PRKCB: variants seen among roughly 807,000 people sequenced by gnomAD.
PRKCB encodes the protein protein kinase C beta.
PRKCB carries 13 observed loss-of-function variants against 81.5 expected under a neutral mutation model. The observed-to-expected ratio is 0.16, with a 90% CI of 0.10 to 0.25. The LOEUF (loss-of-function observed/expected upper bound fraction) is 0.25, where lower values mean the gene tolerates loss of function less well. Among genes scored for constraint, PRKCB ranks in the 10% least tolerant of loss-of-function variants. PRKCB has a pLI of 1.00. For synonymous variants in PRKCB, 335 were observed against 321.4 expected (o/e 1.04, Z -0.45); for missense variants, 509 against 875.7 (o/e 0.58, Z 5.29).
intron 5 of PRKCB, among the ~76,000 whole-genome samples, chr16:24,067,745 T>C (rs1390011216): frequency 6.6e-6 from 1 of 152,068 alleles, no homozygotes; most frequent in Non-Finnish European, 1.5e-5. Flanking sequence ...GGTGGGTGGA[T>C]CATCTGAGAT....
At position 23,990,489 on chromosome 16, in the gene PRKCB, T is replaced by TC. The variant is rs1190397025; in HGVS notation, c.288+1899_288+1900insC. ...AAAGAAAAAAAAGAAGCTTTTTTTTTTTTTTTCTTTTTTTTTTTAAGCAAA... is the reference window on the plus strand; with the variant it reads ...AAAGAAAAAAAAGAAGCTTTTTTTTTCTTTTTTCTTTTTTTTTTTAAGCAAA... On this transcript the variant is annotated intron_variant, in intron 3 of 16. Coordinates refer to ENST00000643927, the MANE Select transcript of PRKCB (RefSeq NM_002738.7). 2.0e-5 allele frequency among the ~76,000 whole-genome samples: 3 copies of TC among 151,484 alleles called. No individual in the cohort carries two copies. The East Asian group carries it at 5.8e-4, about 29-fold the overall frequency.
intron 5 of PRKCB, among the ~76,000 whole-genome samples, chr16:24,090,288 T>C (rs986178124): frequency 1.3e-5 from 2 of 152,142 alleles, no homozygotes; most frequent in African/African-American, 4.8e-5. Flanking sequence ...GCAGAAAAAA[T>C]GTCAGCACAG....
At chr16:24,192,914 G>A (rs1967815386) in intron 16 of PRKCB, among the ~76,000 whole-genome samples, 1 of 152,066 alleles carries the variant, frequency 6.6e-6, no homozygotes, top group African/African-American at 2.4e-5. Flanking sequence ...GCTCAGCCAG[G>A]GAAGCTAGGC....
intron 7 of PRKCB, among the ~76,000 whole-genome samples, chr16:24,104,500 A>G (rs1248925350): frequency 6.6e-6 from 1 of 152,220 alleles, no homozygotes; most frequent in Admixed American, 6.5e-5. Flanking sequence ...AAAAATAAGT[A>G]ATAAAACATG....
At chr16:24,202,652 A>G (rs78897939) in intron 16 of PRKCB, among the ~76,000 whole-genome samples, 10,885 of 152,272 alleles carry the variant, frequency 0.071, 516 homozygotes, top group South Asian at 0.13. Flanking sequence ...AGATGTGTTC[A>G]GGCCCAGAAA....
chr16:23,979,517 G>A (rs1964667849), intron 2 of PRKCB, among the ~76,000 whole-genome samples: 1 of 152,152 alleles, frequency 6.6e-6, no homozygotes, highest in South Asian at 2.1e-4. Flanking sequence ...AGGCTTTATT[G>A]TAAAATTCCA....
intron 10 of PRKCB, among the ~76,000 whole-genome samples, chr16:24,156,797 G>A (rs983278632): frequency 6.6e-6 from 1 of 152,112 alleles, no homozygotes; most frequent in African/African-American, 2.4e-5. Flanking sequence ...AAACCTCTAG[G>A]CTCCCCTACT....
At chr16:24,180,703 C>T in intron 12 of PRKCB, 87 bp from the exon 13 acceptor site, 1 of 1,464,550 alleles carries the variant, frequency 6.8e-7, no homozygotes, top group Non-Finnish European at 9.4e-7. Context: ...ACACCTAACA[C>T]AGTGTTTTAT....
intron 5 of PRKCB, 60 bp downstream of exon 5, chr16:24,035,607 G>A (rs547973296): frequency 2.6e-6 from 4 of 1,568,164 alleles, no homozygotes; most frequent in East Asian, 2.3e-5. Flanking sequence ...GATTGAGAAG[G>A]GGAGGGTGGC....
chr16:23,885,910 G>A (rs902061046), intron 2 of PRKCB, among the ~76,000 whole-genome samples: 2 of 152,140 alleles, frequency 1.3e-5, no homozygotes, highest in Non-Finnish European at 2.9e-5. Flanking sequence ...TTTTTGACTC[G>A]ATATTGGGCG....
At position 24,217,724 on chromosome 16, in the gene PRKCB, C is replaced by A; in HGVS notation, c.*2908C>A. 15 of 985,414 alleles carry A rather than the reference C, an allele frequency of 1.5e-5. No individual in the cohort carries two copies. Among genetic ancestry groups the A allele is most frequent in the Non-Finnish European group, 1.8e-5 (15 of 829,960 alleles). The allele number at this position is 985,414 out of a possible 1,614,324, so 61.0% of individuals were successfully genotyped here. On this transcript the variant is annotated 3_prime_UTR_variant, in exon 17 of 17. Transcript: ENST00000643927. ...AAGGGAATCTTTGATAAGAGGCCCA[C>A]AGGCAGGGAAAGCGAAATAGGGTTG... is the stretch of plus-strand genomic sequence containing the variant.
At chr16:24,051,105 C>A (rs1965836386) in intron 5 of PRKCB, among the ~76,000 whole-genome samples, 1 of 152,184 alleles carries the variant, frequency 6.6e-6, no homozygotes, top group Admixed American at 6.5e-5. Context: ...ACTTGTTCTG[C>A]CCTCCTTACT....
chr16:24,068,284 G>A (rs774100459), intron 5 of PRKCB, among the ~76,000 whole-genome samples: 17 of 152,080 alleles, frequency 1.1e-4, no homozygotes, highest in South Asian at 2.1e-4. Flanking sequence ...AATGCCTAGC[G>A]TTGAGTTCAC....
At chr16:24,137,804 C>A (rs535287501) in intron 9 of PRKCB, among the ~76,000 whole-genome samples, 1 of 152,302 alleles carries the variant, frequency 6.6e-6, no homozygotes, top group South Asian at 2.1e-4. Context: ...GGATTGTAAT[C>A]ATCCAACACC....
intron 16 of PRKCB, among the ~76,000 whole-genome samples, chr16:24,191,918 C>T (rs1383625299): frequency 1.3e-5 from 2 of 152,192 alleles, no homozygotes; most frequent in South Asian, 2.1e-4. Context: ...AAGTACTTGT[C>T]GGCATCAGGA....
intron 2 of PRKCB, among the ~76,000 whole-genome samples, chr16:23,870,207 T>C (rs892961769): frequency 1.3e-5 from 2 of 152,122 alleles, no homozygotes; most frequent in African/African-American, 4.8e-5. Flanking sequence ...ATCAGGAAGA[T>C]TAAAAAAGAA....
intron 2 of PRKCB, among the ~76,000 whole-genome samples, chr16:23,922,157 G>A (rs1470438212): frequency 6.6e-6 from 1 of 152,222 alleles, no homozygotes; most frequent in African/African-American, 2.4e-5. Context: ...GTTATCTGTG[G>A]ACAAATTTGT....
chr16:23,968,854 A>G (rs1377727590), intron 2 of PRKCB, among the ~76,000 whole-genome samples: 1 of 152,094 alleles, frequency 6.6e-6, no homozygotes, highest in African/African-American at 2.4e-5. Flanking sequence ...ATAAATGCTG[A>G]GATTCAGTGT....
intron 2 of PRKCB, among the ~76,000 whole-genome samples, chr16:23,983,661 A>G (rs1438266546): frequency 2.0e-5 from 3 of 152,168 alleles, no homozygotes; most frequent in African/African-American, 7.2e-5. Flanking sequence ...GAGACTAGAG[A>G]TGAGCTATCT....
Sources: gnomAD v4.1 joint callset for allele counts (sites outside exome capture counted in the v4.1 genomes callset) on GRCh38, gnomAD v4.1.1 for gene constraint, MANE v1.5 for transcripts, NCBI Gene and HGNC (gene_info 2026-07-23, HGNC 2026-07-21) for gene names.